Variants in FBN1 observed in about 807,000 individuals in gnomAD.
FBN1 encodes fibrillin-1.
In FBN1, 29 loss-of-function variants were observed where a neutral mutation model predicts 365.1. That is an observed-to-expected ratio of 0.08 (90% confidence interval 0.06 to 0.11). The LOEUF is 0.11. FBN1 is among the 10% of genes least tolerant of loss of function. The pLI is 1.00. For synonymous variants in FBN1, 1,210 were observed against 1,270.5 expected, an observed-to-expected ratio of 0.95 and a Z score of 1.01; for missense variants, 2,476 against 3,703.2, an observed-to-expected ratio of 0.67 and a Z score of 8.60.
chr15:48,474,756 A>G, intron 32 of FBN1, 106 bp from the exon 33 acceptor site: 2 of 1,436,930 alleles, frequency 1.4e-6, no homozygotes, highest in Middle Eastern at 2.0e-4. Context: ...TTCCCATGGT[A>G]TAGTATAGAC....
chr15:48,644,264 C>G (rs1301340468), intron 2 of FBN1: 3 of 305,232 alleles, frequency 9.8e-6, no homozygotes, highest in Non-Finnish European at 1.9e-5. Context: ...CTAGAAACAA[C>G]CAGAATTGAT....
At chr15:48,618,623 C>T (rs1004187071) in intron 2 of FBN1, among the ~76,000 whole-genome samples, 1 of 152,190 alleles carries the variant, frequency 6.6e-6, no homozygotes. Flanking sequence ...ACTCTCTAGA[C>T]TGGGGTCCCC....
chr15:48,517,681 C>G (rs2043816735), intron 10 of FBN1, among the ~76,000 whole-genome samples: 1 of 152,128 alleles, frequency 6.6e-6, no homozygotes. Context: ...CTACAAATAG[C>G]CATGTTTTTT....
At chr15:48,491,226 C>T (rs563176092) in intron 24 of FBN1, among the ~76,000 whole-genome samples, 4 of 152,274 alleles carry the variant, frequency 2.6e-5, no homozygotes, top group South Asian at 2.1e-4. Context: ...CTTTGAATTC[C>T]CGGTTCCATT....
chr15:48,526,345 A>T (rs1263399107), intron 8 of FBN1, 90 bp from the exon 9 acceptor site: 1 of 1,385,996 alleles, frequency 7.2e-7, no homozygotes, highest in Non-Finnish European at 1.0e-6. Context: ...ACACTAGTCA[A>T]ATCATGTCCC....
chr15:48,611,916 T>G (rs1376331896), intron 3 of FBN1, among the ~76,000 whole-genome samples: 2 of 152,190 alleles, frequency 1.3e-5, no homozygotes, highest in African/African-American at 2.4e-5. Context: ...TGATAGAAAG[T>G]GCATTCAAAC....
At chr15:48,471,250 G>C (rs1349477474) in intron 35 of FBN1, among the ~76,000 whole-genome samples, 1 of 152,070 alleles carries the variant, frequency 6.6e-6, no homozygotes, top group Admixed American at 6.5e-5. Flanking sequence ...AACCGCACAC[G>C]CTTCTTCCAG....
intron 44 of FBN1, among the ~76,000 whole-genome samples, chr15:48,453,365 T>C (rs922694692): frequency 7.0e-6 from 1 of 142,178 alleles, no homozygotes; most frequent in Non-Finnish European, 1.5e-5. Context: ...GAAAATTAAA[T>C]GTATATTACT....
In FBN1 at chr15:48,505,009, C is replaced by T; in HGVS notation, c.1960+16G>A. The T allele has an allele frequency of 6.2e-7, 1 of 1,614,004 alleles. No homozygotes were observed. Among genetic ancestry groups the T allele is most frequent in the Non-Finnish European group, 8.5e-7 (1 of 1,179,968 alleles). ...GCTGAACCTCTCTCATAAGGTTAGC[C>T]ATGATGTTTTCTTACCAACACACAC... On this transcript the variant is annotated intron_variant, in intron 16 of 65. Coordinates refer to ENST00000316623, the MANE Select transcript of FBN1 (RefSeq NM_000138.5).
chr15:48,489,853 T>A lies in FBN1; in HGVS notation c.3080A>T (p.Lys1027Ile). Residue 1027 changes from lysine to isoleucine, a missense_variant and splice_region_variant, in exon 25 of 66, where the codon AAA becomes ATA. Transcript: ENST00000316623. ...KEITNGKPFFKDINECKMIPS... is the reference protein window; with the variant it reads ...KEITNGKPFFIDINECKMIPS... ...CCATGGAAAACGTAACATTGTACCT[T>A]TGAAGAAAGGCTTTCCATTTGTAAT... 1.2e-6 allele frequency: 2 copies of A among 1,613,814 alleles called. No homozygotes were observed. Among genetic ancestry groups the A allele is most frequent in the Non-Finnish European group, 1.7e-6 (2 of 1,179,722 alleles).
intron 53 of FBN1, 55 bp downstream of exon 53, chr15:48,436,906 G>A (rs1374729934): frequency 4.5e-6 from 5 of 1,107,394 alleles, no homozygotes; most frequent in Middle Eastern, 2.0e-4. Flanking sequence ...AGTGAATACT[G>A]TATAGCTTAA....
At chr15:48,610,451 C>T (rs994349676) in intron 4 of FBN1, among the ~76,000 whole-genome samples, 3 of 151,996 alleles carry the variant, frequency 2.0e-5, no homozygotes, top group Admixed American at 6.6e-5. Flanking sequence ...ACTGGAGATA[C>T]AAAGATGAAT....
At chr15:48,603,802 A>C (rs1159004100) in intron 4 of FBN1, among the ~76,000 whole-genome samples, 1 of 152,224 alleles carries the variant, frequency 6.6e-6, no homozygotes, top group Non-Finnish European at 1.5e-5. Context: ...GCACAGATCC[A>C]GCCATATGCA....
At chr15:48,591,419 T>C (rs1315326740) in intron 6 of FBN1, among the ~76,000 whole-genome samples, 1 of 152,202 alleles carries the variant, frequency 6.6e-6, no homozygotes, top group Non-Finnish European at 1.5e-5. Flanking sequence ...GATATAACTT[T>C]CCATGATAAC....
rs376846065 is a variant in FBN1 at position 48,412,755 on chromosome 15, G to C, written c.8052-12C>G. 1 of 1,614,160 alleles carries C rather than the reference G, an allele frequency of 6.2e-7. No individual in the cohort carries two copies. The highest frequency in any genetic ancestry group is 1.1e-5 in the South Asian group (1 of 91,082). On this transcript the variant is annotated splice_polypyrimidine_tract_variant and intron_variant, in intron 64 of 65. Coordinates refer to ENST00000316623, the MANE Select transcript of FBN1 (RefSeq NM_000138.5). Reference sequence around the variant, plus strand: ...CAGAAACACAGTGCCTGCAGCAGAAGGGGAGCATAGATGTTTTTCATTAGA... The same window carrying C: ...CAGAAACACAGTGCCTGCAGCAGAACGGGAGCATAGATGTTTTTCATTAGA...
intron 32 of FBN1, among the ~76,000 whole-genome samples, chr15:48,478,904 A>G (rs1415948001): frequency 1.3e-5 from 2 of 152,238 alleles, no homozygotes; most frequent in Non-Finnish European, 2.9e-5. Context: ...TGAAATATTT[A>G]GACAAAACTG....
chr15:48,494,121 T>A (rs2043582983), intron 23 of FBN1, 83 bp downstream of exon 23: 2 of 1,080,808 alleles, frequency 1.9e-6, no homozygotes, highest in Non-Finnish European at 1.4e-6. Flanking sequence ...TGTGAAGTTA[T>A]ATGACAGCTT....
chr15:48,530,341 C>T (rs533696439), intron 8 of FBN1, among the ~76,000 whole-genome samples: 16 of 152,172 alleles, frequency 1.1e-4, no homozygotes, highest in African/African-American at 3.6e-4. Context: ...CTGCATCCGC[C>T]GCCCGATCAC....
At chr15:48,458,028 C>G (rs1275467512) in intron 43 of FBN1, among the ~76,000 whole-genome samples, 1 of 152,188 alleles carries the variant, frequency 6.6e-6, no homozygotes, top group Non-Finnish European at 1.5e-5. Flanking sequence ...GAGGGCCCTT[C>G]CATCAGCCCC....
Sources: gnomAD v4.1 joint callset for allele counts (sites outside exome capture counted in the v4.1 genomes callset) on GRCh38, gnomAD v4.1.1 for gene constraint, MANE v1.5 for transcripts, NCBI Gene and HGNC (gene_info 2026-07-23, HGNC 2026-07-21) for gene names.